The following D2HGDH variants were observed in gnomAD, a reference collection of about 807,000 sequenced individuals.
D2HGDH encodes D-2-hydroxyglutarate dehydrogenase, mitochondrial.
D2HGDH carries 31 observed loss-of-function variants against 46.9 expected under a neutral mutation model. The observed-to-expected ratio is 0.66, with a 90% confidence interval of 0.50 to 0.89. D2HGDH has a LOEUF of 0.89. Among genes scored for constraint, D2HGDH ranks in the 40% least tolerant of loss-of-function variants. The pLI, the probability that D2HGDH is intolerant of heterozygous loss-of-function variation, is 0.00. For missense variants in D2HGDH, 698 were observed against 720.8 expected (o/e 0.97, Z 0.36); for synonymous variants, 364 against 332.6 (o/e 1.09, Z -1.03).
intron 2 of D2HGDH, among the ~76,000 whole-genome samples, chr2:241,736,632 T>A (rs1692910307): frequency 6.6e-6 from 1 of 152,060 alleles, no homozygotes; most frequent in African/African-American, 2.4e-5. Flanking sequence ...CGTATCTCAG[T>A]ACTGTCAACT....
rs1472281162 is a variant in D2HGDH, at chr2:241,742,556, A to G, written c.472A>G (p.Ser158Gly). 1.2e-6 allele frequency: 2 copies of G among 1,613,946 alleles called. No individual in the cohort carries two copies. The highest frequency in any genetic ancestry group is 1.7e-5 in the Admixed American group (1 of 59,992). The change falls in exon 4 of 10, where the codon AGC becomes GGC. Residue 158 changes from serine (S) to glycine (G), a missense_variant. Physicochemically the swap from Ser to Gly is moderately conservative, Grantham distance 56 (BLOSUM62 0). Coordinates refer to ENST00000321264, the MANE Select transcript of D2HGDH (RefSeq NM_152783.5). This position sits in a 1 kb window ranked among gnomAD's most constrained non-coding sequence, Gnocchi z 4.8. ...LSTARMNRVL[S>G]FHSVSGILVC... Reference sequence around the variant, plus strand: ...CACTGCCCGCATGAACCGGGTCCTCAGCTTCCACAGCGTGTCTGGTAAGCC... The same window carrying G: ...CACTGCCCGCATGAACCGGGTCCTCGGCTTCCACAGCGTGTCTGGTAAGCC...
At chr2:241,735,613 G>T in intron 2 of D2HGDH, 97 bp downstream of exon 2, 6 of 1,527,702 alleles carry the variant, frequency 3.9e-6, no homozygotes, top group Non-Finnish European at 5.3e-6. Context: ...ACCTGGATGG[G>T]GGTGCCAGCC....
At chr2:241,750,825 T>G (rs1029639383) in intron 7 of D2HGDH, among the ~76,000 whole-genome samples, 7 of 152,110 alleles carry the variant, frequency 4.6e-5, no homozygotes, top group Non-Finnish European at 1.0e-4. Flanking sequence ...CAAACGATTC[T>G]TCTGCCTCAG....
chr2:241,744,948 T>G, intron 6 of D2HGDH, 71 bp downstream of exon 6: 1 of 1,597,466 alleles, frequency 6.3e-7, no homozygotes, highest in South Asian at 1.1e-5. Context: ...GTGCCACTGT[T>G]GGTGTGAGGA....
At chr2:241,746,075 C>T (rs1450101994) in intron 6 of D2HGDH, among the ~76,000 whole-genome samples, 1 of 152,176 alleles carries the variant, frequency 6.6e-6, no homozygotes, top group Non-Finnish European at 1.5e-5. Context: ...TTTCTTAAAC[C>T]TGTGGCTTGG....
At chr2:241,761,391 T>C (rs944197164) in intron 9 of D2HGDH, among the ~76,000 whole-genome samples, 5 of 151,946 alleles carry the variant, frequency 3.3e-5, no homozygotes, top group Admixed American at 3.3e-4. Context: ...ATACAAAAAT[T>C]AGCCAGGCAT....
Position 241,735,464 on chromosome 2 carries a change from G to A in D2HGDH, c.240G>A (p.Thr80=). The A allele has an allele frequency of 6.2e-7, 1 of 1,609,400 alleles. No homozygotes were observed. The highest frequency in any genetic ancestry group is 8.5e-7 in the Non-Finnish European group (1 of 1,179,740). The change falls in exon 2 of 10, where the codon ACG becomes ACA. Residue 80 remains threonine (T), a synonymous_variant. Transcript: ENST00000321264. ...FERIVPGGVV[T]DPEALQAPNV... ...GCATCGTGCCCGGCGGGGTCGTCAC[G>A]GACCCGGAAGCGCTGCAGGCTCCCA...
At chr2:241,749,210 A>T in intron 6 of D2HGDH, 1 of 952,148 alleles carries the variant, frequency 1.1e-6, no homozygotes, top group South Asian at 1.7e-5. Flanking sequence ...ACCACCTCCC[A>T]CACCCCAGCC....
intron 9 of D2HGDH, among the ~76,000 whole-genome samples, chr2:241,758,461 G>C (rs1054731279): frequency 6.6e-6 from 1 of 151,922 alleles, no homozygotes. Flanking sequence ...TTTTTATGTA[G>C]CATTTGTGGG....
intron 2 of D2HGDH, among the ~76,000 whole-genome samples, chr2:241,737,698 C>CCT (rs1693311181): frequency 6.6e-6 from 1 of 152,124 alleles, no homozygotes; most frequent in Admixed American, 6.5e-5. Context: ...CAAGACCAGC[C>CCT]TGAGCAACAT....
chr2:241,755,282 G>T (rs1052083078), intron 8 of D2HGDH: 1 of 920,154 alleles, frequency 1.1e-6, no homozygotes, highest in Non-Finnish European at 1.4e-6. Context: ...TGGCCCACCC[G>T]CCATGTCCCT....
chr2:241,750,689 G>C (rs184237166), intron 7 of D2HGDH, among the ~76,000 whole-genome samples: 1 of 152,026 alleles, frequency 6.6e-6, no homozygotes, highest in Non-Finnish European at 1.5e-5. Flanking sequence ...ATTTTTTGTT[G>C]TTGGGGGATG....
chr2:241,747,942 T>TG (rs796991235), intron 6 of D2HGDH, among the ~76,000 whole-genome samples: 3 of 152,302 alleles, frequency 2.0e-5, no homozygotes, highest in African/African-American at 7.2e-5. Context: ...GGCTTGCTTC[T>TG]GGCCCTGACT....
intron 2 of D2HGDH, among the ~76,000 whole-genome samples, chr2:241,737,846 G>A (rs71351116): frequency 0.57 from 86,424 of 152,088 alleles, 24,936 homozygotes; most frequent in East Asian, 0.7. Flanking sequence ...TTAAACCTGT[G>A]GAACTGGCAC....
chr2:241,737,256 C>T (rs558457922), intron 2 of D2HGDH, among the ~76,000 whole-genome samples: 7 of 152,378 alleles, frequency 4.6e-5, no homozygotes, highest in African/African-American at 1.7e-4. Context: ...AGGCATGAGC[C>T]ACCATGCCCA....
At chr2:241,762,233 G>A (rs1214631889) in intron 9 of D2HGDH, among the ~76,000 whole-genome samples, 3 of 151,790 alleles carry the variant, frequency 2.0e-5, no homozygotes, top group African/African-American at 4.8e-5. Context: ...CACCACACCC[G>A]GCTAATTTTT....
chr2:241,752,000 G>GGGGGAGCCC (rs1697316301), intron 8 of D2HGDH, among the ~76,000 whole-genome samples: 1 of 150,236 alleles, frequency 6.7e-6, no homozygotes, highest in African/African-American at 2.4e-5. Context: ...GGCCTGGATA[G>GGGGGAGCCC]TGGGAGCCAT....
chr2:241,761,981 G>A (rs569405036), intron 9 of D2HGDH, among the ~76,000 whole-genome samples: 1 of 152,144 alleles, frequency 6.6e-6, no homozygotes, highest in Non-Finnish European at 1.5e-5. Context: ...ATGTCTGCTG[G>A]TGCGGAGACA....
intron 6 of D2HGDH, 88 bp downstream of exon 6, chr2:241,744,965 T>C: frequency 6.5e-7 from 1 of 1,542,790 alleles, no homozygotes. Context: ...AGGAAGGGGA[T>C]GGAGGGACCC....
Sources: gnomAD v4.1 joint callset for allele counts (sites outside exome capture counted in the v4.1 genomes callset) on GRCh38, gnomAD v4.1.1 for gene constraint, Gnocchi (gnomAD v3.1) non-coding constraint, MANE v1.5 for transcripts, NCBI Gene and HGNC (gene_info 2026-07-23, HGNC 2026-07-21) for gene names.